Variants in AKR1C3 observed in about 807,000 individuals in gnomAD.
The protein encoded by AKR1C3 is 3-alpha hydroxysteroid dehydrogenase, type II.
Under a neutral mutation model 43.6 loss-of-function variants are expected in AKR1C3, and 48 were observed. That is an observed-to-expected ratio of 1.10 (90% confidence interval 0.87 to 1.40). AKR1C3 has a LOEUF of 1.40. AKR1C3 is among the 40% of genes most tolerant of loss of function. AKR1C3 has a pLI of 0.00. For missense variants in AKR1C3, 482 were observed against 391.2 expected, an observed-to-expected ratio of 1.23 and a Z score of -1.96; for synonymous variants, 162 against 139.6, an observed-to-expected ratio of 1.16 and a Z score of -1.13.
intron 1 of AKR1C3, among the ~76,000 whole-genome samples, chr10:5,082,738 A>T (rs1554782514): frequency 6.6e-6 from 1 of 152,092 alleles, no homozygotes. Context: ...TTTTCCAAGG[A>T]TATGTTCCTC....
chr10:5,106,461 G>A (rs72774025), intron 8 of AKR1C3, among the ~76,000 whole-genome samples: 9,396 of 151,246 alleles, frequency 0.062, 346 homozygotes, highest in Middle Eastern at 0.085. Context: ...GGAAAAGCAG[G>A]AAGTTATGGC....
chr10:5,085,376 A>T lies in AKR1C3; in HGVS notation c.85-11034A>T, dbSNP rs1251429571. 2.0e-5 allele frequency among the ~76,000 whole-genome samples: 3 copies of T among 152,114 alleles called. No individual in the cohort carries two copies. The South Asian group carries it at 6.2e-4, about 32-fold the overall frequency. On this transcript the variant is annotated intron_variant, in intron 1 of 8. Transcript: ENST00000439082. The stretch of plus-strand genomic sequence containing the variant: ...TGGTTCTGTTTATATGCTGGATTAC[A>T]TTTATTGATTTGCATATGTTGAACC...
At chr10:5,101,480 C>T (rs1030601147) in intron 5 of AKR1C3, among the ~76,000 whole-genome samples, 95 of 152,188 alleles carry the variant, frequency 6.2e-4, no homozygotes, top group Middle Eastern at 3.4e-3. Flanking sequence ...TTAATACTTG[C>T]CTCTAAATAT....
At chr10:5,063,191 A>C (rs1838418455) in intron 1 of AKR1C3, among the ~76,000 whole-genome samples, 2 of 152,244 alleles carry the variant, frequency 1.3e-5, no homozygotes, top group Admixed American at 1.3e-4. Context: ...GTATAATTCT[A>C]AGTTAATATG....
intron 1 of AKR1C3, among the ~76,000 whole-genome samples, chr10:5,065,636 C>T (rs970881246): frequency 2.6e-5 from 4 of 152,182 alleles, no homozygotes; most frequent in East Asian, 1.9e-4. Flanking sequence ...GGCCCCATTA[C>T]AGAATTTGTG....
intron 1 of AKR1C3, among the ~76,000 whole-genome samples, chr10:5,075,416 G>A (rs185331430): frequency 2.0e-5 from 3 of 152,062 alleles, no homozygotes; most frequent in African/African-American, 4.8e-5. Context: ...TACATCTAAC[G>A]CCATGGCCCC....
Position 5,105,433 on chromosome 10 carries a change from C to A in AKR1C3, c.847-162C>A, listed in dbSNP as rs587699749. 14 of 527,988 alleles carry A rather than the reference C, an allele frequency of 2.7e-5. No individual in the cohort carries two copies. The South Asian group carries it at 3.4e-4, about 13-fold the overall frequency. The allele number at this position is 527,988 out of a possible 1,614,324, so 32.7% of individuals were successfully genotyped here. A position where few individuals can be genotyped will look rare whatever the true frequency, so the allele number is the denominator to read the frequency against. ...TAGGAATGGATTTCTGCTTATTTTT[C>A]GTGAGCTATTCATTGACCCACCTGA... On this transcript the variant is annotated intron_variant, in intron 7 of 8. Coordinates refer to ENST00000380554, the MANE Select transcript of AKR1C3 (RefSeq NM_003739.6).
chr10:5,097,650 G>A (rs1451879199), intron 3 of AKR1C3, 100 bp downstream of exon 3: 1 of 1,593,160 alleles, frequency 6.3e-7, no homozygotes, highest in African/African-American at 1.4e-5. Context: ...AGGATGTAGG[G>A]ATTATCACAC....
intron 1 of AKR1C3, chr10:5,048,924 T>G: frequency 3.1e-6 from 5 of 1,587,314 alleles, no homozygotes; most frequent in Non-Finnish European, 4.3e-6. Context: ...GTGCAGAGAG[T>G]TGAAAAGAGC....
chr10:5,096,338 AG>A, intron 1 of AKR1C3, 71 bp from the exon 2 acceptor site: 1 of 1,535,288 alleles, frequency 6.5e-7, no homozygotes, highest in South Asian at 1.3e-5. Flanking sequence ...CTTGTATAAA[AG>A]TCAATGCTTG....
chr10:5,076,918 C>A (rs1391848678), intron 1 of AKR1C3, among the ~76,000 whole-genome samples: 3 of 152,114 alleles, frequency 2.0e-5, no homozygotes, highest in African/African-American at 7.2e-5. Flanking sequence ...AATGAAAAAT[C>A]TGGTTTTTGA....
chr10:5,072,349 A>G (rs1358844581), intron 1 of AKR1C3, among the ~76,000 whole-genome samples: 1 of 152,246 alleles, frequency 6.6e-6, no homozygotes, highest in Non-Finnish European at 1.5e-5. Context: ...TCAAGTTTCT[A>G]GGCAAATGTA....
At chr10:5,056,007 C>T (rs546617259) in intron 1 of AKR1C3, among the ~76,000 whole-genome samples, 5 of 152,304 alleles carry the variant, frequency 3.3e-5, no homozygotes, top group East Asian at 3.9e-4. Flanking sequence ...ATTTGACCTG[C>T]TGTAGCAAAG....
At chr10:5,088,775 T>G (rs1182547667) in intron 1 of AKR1C3, among the ~76,000 whole-genome samples, 3 of 151,960 alleles carry the variant, frequency 2.0e-5, no homozygotes, top group Non-Finnish European at 4.4e-5. Flanking sequence ...TCTATTTCTT[T>G]TAAGTGGAGG....
rs1298906417 is a variant in AKR1C3 at position 5,105,624 on chromosome 10, C to T, written c.876C>T (p.Asp292=). 4 of 1,613,888 alleles carry T rather than the reference C, an allele frequency of 2.5e-6. No homozygotes were observed. The highest frequency in any genetic ancestry group is 3.4e-6 in the Non-Finnish European group (4 of 1,179,926). ...TTGAGTTCCAGTTGACTGCAGAGGA[C>T]ATGAAAGCCATAGATGGCCTAGACA... ...QVFEFQLTAE[D]MKAIDGLDRN... Residue 292 remains aspartate (D), a synonymous_variant, in exon 8 of 9, where the codon GAC becomes GAT. Transcript: ENST00000380554.
At chr10:5,053,269 G>T (rs111986750) in intron 1 of AKR1C3, among the ~76,000 whole-genome samples, 6,031 of 152,334 alleles carry the variant, frequency 0.04, 413 homozygotes, top group African/African-American at 0.14. Context: ...ATGGTGGGCT[G>T]CAGGTCCCGA....
chr10:5,076,764 C>A, intron 1 of AKR1C3, among the ~76,000 whole-genome samples: 1 of 152,170 alleles, frequency 6.6e-6, no homozygotes, highest in East Asian at 1.9e-4. Context: ...TCCTCACTGT[C>A]ATGCATAGAG....
intron 1 of AKR1C3, among the ~76,000 whole-genome samples, chr10:5,079,733 C>G (rs186692328): frequency 2.9e-4 from 44 of 152,248 alleles, no homozygotes; most frequent in Admixed American, 2.6e-3. Context: ...CCGAGAGACC[C>G]CAAGCCCCTA....
At chr10:5,080,207 A>C (rs1838802991) in intron 1 of AKR1C3, among the ~76,000 whole-genome samples, 1 of 152,070 alleles carries the variant, frequency 6.6e-6, no homozygotes, top group East Asian at 1.9e-4. Flanking sequence ...GAGATGGGAA[A>C]CACTGTATGG....
Sources: gnomAD v4.1 joint callset for allele counts (sites outside exome capture counted in the v4.1 genomes callset) on GRCh38, gnomAD v4.1.1 for gene constraint, MANE v1.5 for transcripts, NCBI Gene and HGNC (gene_info 2026-07-23, HGNC 2026-07-21) for gene names.